The following SYNE2 variants were observed in gnomAD, a reference collection of about 807,000 sequenced individuals.
SYNE2 encodes spectrin repeat containing nuclear envelope protein 2.
SYNE2 carries 431 observed loss-of-function variants against 856.3 expected under a neutral mutation model. The ratio of observed to expected loss-of-function variants is 0.50; its 90% CI spans 0.47 to 0.55. SYNE2 has a LOEUF of 0.55. Ranked by LOEUF, SYNE2 falls within the 20% of genes least tolerant of loss-of-function variation. The probability of loss-of-function intolerance (pLI) is 0.00; values close to 1 mark genes in which losing one functional copy is unlikely to be tolerated. For synonymous variants in SYNE2, 2,923 were observed against 2,872.3 expected, an observed-to-expected ratio of 1.02 and a Z score of -0.56; for missense variants, 8,129 against 8,023.2, an observed-to-expected ratio of 1.01 and a Z score of -0.50.
At chr14:63,978,139 T>A (rs1046411965) in intron 13 of SYNE2, 122 bp downstream of exon 13, 4 of 734,338 alleles carry the variant, frequency 5.4e-6, no homozygotes, top group Admixed American at 2.0e-5. Context: ...CCTTTAAATC[T>A]TGATAACAGT....
chr14:63,782,246 G>T (rs1482879581), intron 1 of SYNE2, among the ~76,000 whole-genome samples: 1 of 151,984 alleles, frequency 6.6e-6, no homozygotes, highest in African/African-American at 2.4e-5. Context: ...GGCCGAGGTG[G>T]GTGGATCACC....
At position 64,043,785 on chromosome 14, in the gene SYNE2, C is replaced by T. The variant is rs558045757; in HGVS notation, c.7222-4215C>T. 4.9e-4 allele frequency among the ~76,000 whole-genome samples: 75 copies of T among 152,326 alleles called. 1 individual carries two copies. The highest frequency in any genetic ancestry group is 1.5e-3 in the African/African-American group (63 of 41,570). On this transcript the variant is annotated intron_variant, in intron 45 of 115. Transcript: ENST00000555002. ...CCAAGACAGAAGTTTGCTACGGGGG[C>T]GGGGCCCTCACAGAGAACCTCTGCT...
chr14:63,800,475 G>A (rs1006776608), intron 1 of SYNE2, among the ~76,000 whole-genome samples: 1 of 152,078 alleles, frequency 6.6e-6, no homozygotes, highest in African/African-American at 2.4e-5. Context: ...TTTTAGTAGA[G>A]ACTAGGTTTC....
In SYNE2 at chr14:64,150,321, A is replaced by AAAAAAAAAAAAAAAG. The variant is rs766798501; in HGVS notation, c.15640-2243_15640-2242insAAAAAAAAAAAAAAG. Among the ~76,000 whole-genome samples, 4 of 119,490 alleles carry AAAAAAAAAAAAAAAG rather than the reference A, an allele frequency of 3.3e-5. 1 individual carries two copies. The highest frequency in any genetic ancestry group is 9.3e-5 in the Admixed American group (1 of 10,810). 78.4% of individuals were successfully genotyped at this position (119,490 alleles called of 152,430 possible). The stretch of plus-strand genomic sequence containing the variant: ...AAAAAAAAAAAAAAAAAAAAAAAAA[A>AAAAAAAAAAAAAAAG]GGATCCTCCCGCCTCAGCCTCTCAA... On this transcript the variant is annotated intron_variant, in intron 84 of 115. Transcript: ENST00000555002.
chr14:63,798,830 A>G (rs1431063809), intron 1 of SYNE2, among the ~76,000 whole-genome samples: 1 of 152,188 alleles, frequency 6.6e-6, no homozygotes, highest in Non-Finnish European at 1.5e-5. Context: ...GCTACTGTCA[A>G]AACAATTCAT....
At chr14:64,223,520 T>C (rs768112564) in intron 113 of SYNE2, 140 bp downstream of exon 113, 105 of 850,610 alleles carry the variant, frequency 1.2e-4, no homozygotes, top group Non-Finnish European at 1.9e-4. Context: ...CGTGCCCTTT[T>C]TCTAGCTGTG....
At chr14:64,191,044 A>G (rs904328461) in intron 99 of SYNE2, 1 of 702,162 alleles carries the variant, frequency 1.4e-6, no homozygotes, top group Non-Finnish European at 2.6e-6. Context: ...GTGTGCTCAG[A>G]TGTTTTGAAC....
At chr14:63,929,320 A>T (rs1335314378) in intron 2 of SYNE2, among the ~76,000 whole-genome samples, 1 of 152,228 alleles carries the variant, frequency 6.6e-6, no homozygotes, top group African/African-American at 2.4e-5. Context: ...AAAAATCTGT[A>T]TCCTATGGAA....
At position 64,055,429 on chromosome 14, in the gene SYNE2, C is replaced by T. The variant is rs184146163; in HGVS notation, c.9745-515C>T. 4.4e-3 allele frequency among the ~76,000 whole-genome samples: 625 copies of T among 143,158 alleles called. 7 individuals carry two copies. The highest frequency in any genetic ancestry group is 3.1e-3 in the Non-Finnish European group (209 of 67,126). The allele number at this position is 143,158 out of a possible 152,430, so 93.9% of individuals were successfully genotyped here. A position where few individuals can be genotyped will look rare whatever the true frequency, so the allele number is the denominator to read the frequency against. ...TGTCACCCAGGCTGGAGTGCAGTGG[C>T]GCGATCTCGGCTCACTGCAACCTCC... is the stretch of plus-strand genomic sequence containing the variant. On this transcript the variant is annotated intron_variant, in intron 48 of 115. Transcript: ENST00000555002.
intron 11 of SYNE2, 23 bp from the exon 12 acceptor site, chr14:63,976,540 C>CTTTTT (rs34440267): frequency 1.1e-4 from 151 of 1,361,612 alleles, no homozygotes; most frequent in South Asian, 4.5e-4. Context: ...AGAATATGTT[C>CTTTTT]TTTTTTTTTT....
intron 13 of SYNE2, among the ~76,000 whole-genome samples, chr14:63,978,527 A>C (rs2096562002): frequency 6.6e-6 from 1 of 152,326 alleles, no homozygotes; most frequent in South Asian, 2.1e-4. Flanking sequence ...AACTTAGATT[A>C]TAGTTTTATT....
At chr14:64,029,647 AGG>A (rs2097015081) in intron 43 of SYNE2, among the ~76,000 whole-genome samples, 1 of 141,206 alleles carries the variant, frequency 7.1e-6, no homozygotes, top group Non-Finnish European at 1.5e-5. Flanking sequence ...ATCTTCATGA[AGG>A]GGAAATGAAG....
At chr14:63,841,832 C>CTTTTTTTTTTTTTTTTTTTT (rs34947861) in intron 1 of SYNE2, among the ~76,000 whole-genome samples, 12 of 115,078 alleles carry the variant, frequency 1.0e-4, no homozygotes, top group Non-Finnish European at 1.4e-4. Context: ...TTCTTTCTTT[C>CTTTTTTTTTTTTTTTTTTTT]TTTTTTTTTT....
chr14:64,199,787 C>G (rs1406616709), intron 99 of SYNE2, among the ~76,000 whole-genome samples: 2 of 150,902 alleles, frequency 1.3e-5, no homozygotes, highest in Admixed American at 1.3e-4. Context: ...ATGTGGCCAT[C>G]AGCGTGGGAT....
Position 64,225,370 on chromosome 14 carries a change from G to C in SYNE2, c.20568G>C (p.Arg6856=). Reference sequence around the variant, plus strand: ...GCTCCTTCCTCTCAAGGGTGGTCCGGGCAGCCCTACCCCTGCAGCTGCTCC... The same window carrying C: ...GCTCCTTCCTCTCAAGGGTGGTCCGCGCAGCCCTACCCCTGCAGCTGCTCC... ...PQRSFLSRVV[R]AALPLQLLLL... is the part of the protein sequence containing the mutation. Residue 6856 remains arginine (R), a synonymous_variant, in exon 116 of 116, where the codon CGG becomes CGC. Coordinates refer to ENST00000555002, the MANE Select transcript of SYNE2 (RefSeq NM_182914.3). 6.2e-7 allele frequency: 1 copy of C among 1,614,088 alleles called. No individual in the cohort carries two copies. The highest frequency in any genetic ancestry group is 2.2e-5 in the East Asian group (1 of 44,884).
In SYNE2 at chr14:64,125,226, A is replaced by G. The variant is rs200299535; in HGVS notation, c.13554+16A>G. 2.4e-5 allele frequency: 38 copies of G among 1,613,834 alleles called. No homozygotes were observed. The highest frequency in any genetic ancestry group is 3.1e-5 in the Non-Finnish European group (36 of 1,179,958). On this transcript the variant is annotated intron_variant, in intron 71 of 115. Transcript: ENST00000555002. ...TCAGACACAGGTAGAAGCTGCACAC[A>G]ATGTGTTTTCCTCATTGTAATAACA...
chr14:63,767,110 TC>T (rs1048482887), intron 1 of SYNE2, among the ~76,000 whole-genome samples: 4 of 140,238 alleles, frequency 2.9e-5, no homozygotes, highest in African/African-American at 1.2e-4. Context: ...ATTTTTTTTA[TC>T]TTTTTTTTTT....
At chr14:64,120,788 G>A in intron 67 of SYNE2, 139 bp from the exon 68 acceptor site, 2 of 862,904 alleles carry the variant, frequency 2.3e-6, no homozygotes, top group Non-Finnish European at 3.5e-6. Context: ...AAAAATTATA[G>A]TATATAATTA....
chr14:64,154,682 A>G (rs1178121460), intron 85 of SYNE2, among the ~76,000 whole-genome samples: 1 of 151,772 alleles, frequency 6.6e-6, no homozygotes, highest in Non-Finnish European at 1.5e-5. Context: ...TAGTCCAGCT[A>G]CTTAGGAGGC....
Sources: allele counts gnomAD v4.1 joint callset (sites outside exome capture counted in the v4.1 genomes callset), GRCh38; gene constraint gnomAD v4.1.1; transcripts MANE v1.5; gene names NCBI Gene and HGNC (gene_info 2026-07-23, HGNC 2026-07-21).